Variants in GAS2 observed in about 807,000 individuals in gnomAD.
GAS2 encodes growth arrest specific 2.
Under a neutral mutation model 37.5 loss-of-function variants are expected in GAS2, and 20 were observed. The observed-to-expected ratio is 0.53, with a 90% confidence interval of 0.37 to 0.77. The LOEUF is 0.77. Ranked by LOEUF, GAS2 falls within the 30% of genes least tolerant of loss-of-function variation. The probability of loss-of-function intolerance (pLI) is 0.00; values close to 1 mark genes in which losing one functional copy is unlikely to be tolerated. For synonymous variants in GAS2, 144 were observed against 132.2 expected (o/e 1.09, Z -0.61); for missense variants, 336 against 373.4 (o/e 0.90, Z 0.82).
At chr11:22,745,918 C>A (rs546923921) in intron 5 of GAS2, among the ~76,000 whole-genome samples, 25 of 152,182 alleles carry the variant, frequency 1.6e-4, no homozygotes, top group African/African-American at 5.8e-4. Flanking sequence ...ACCTGTAATG[C>A]CAGCACTTTG....
intron 1 of GAS2, among the ~76,000 whole-genome samples, chr11:22,674,215 ATTT>A (rs10532254): frequency 3.6e-4 from 55 of 150,786 alleles, no homozygotes; most frequent in Middle Eastern, 3.4e-3. Context: ...CTATTTTTTT[ATTT>A]TTTTTTTTTA....
intron 5 of GAS2, among the ~76,000 whole-genome samples, chr11:22,739,377 A>G (rs1353064922): frequency 3.3e-5 from 5 of 152,012 alleles, no homozygotes; most frequent in South Asian, 2.1e-4. Context: ...GATCGAGACC[A>G]TCCTGACTAA....
chr11:22,676,147 G>T (rs1849417566), intron 2 of GAS2, among the ~76,000 whole-genome samples: 1 of 152,086 alleles, frequency 6.6e-6, no homozygotes, highest in Non-Finnish European at 1.5e-5. Context: ...TTCACCAACA[G>T]ATAGGTCAGA....
chr11:22,751,585 C>T (rs1853731745), intron 6 of GAS2, among the ~76,000 whole-genome samples: 1 of 151,952 alleles, frequency 6.6e-6, no homozygotes, highest in Non-Finnish European at 1.5e-5. Context: ...TCCATGTTGG[C>T]CACATGCTCT....
At chr11:22,686,691 G>A (rs1023735364) in intron 3 of GAS2, among the ~76,000 whole-genome samples, 60 of 151,356 alleles carry the variant, frequency 4.0e-4, no homozygotes, top group Non-Finnish European at 8.0e-4. Flanking sequence ...TAAAGGTTGC[G>A]GTGAGCAGAG....
intron 4 of GAS2, among the ~76,000 whole-genome samples, chr11:22,731,766 T>C (rs1852489523): frequency 6.6e-6 from 1 of 151,818 alleles, no homozygotes; most frequent in Non-Finnish European, 1.5e-5. Context: ...AGTATTTTTG[T>C]GGGAAAAAAG....
At chr11:22,720,510 A>C (rs946840484) in intron 3 of GAS2, among the ~76,000 whole-genome samples, 4 of 152,068 alleles carry the variant, frequency 2.6e-5, no homozygotes, top group Non-Finnish European at 4.4e-5. Context: ...ATGAATGTTC[A>C]AGGAAATAAT....
upstream of GAS2, among the ~76,000 whole-genome samples, chr11:22,665,270 G>T (rs941613543): frequency 6.6e-6 from 1 of 152,104 alleles, no homozygotes; most frequent in Admixed American, 6.5e-5. Flanking sequence ...TACATATTTG[G>T]ATAATTCTTA....
chr11:22,789,423 GAGATATATAT>G lies in GAS2; in HGVS notation c.724-22373_724-22364del, dbSNP rs1216658432. On this transcript the variant is annotated intron_variant, in intron 7 of 7. Transcript: ENST00000454584. The stretch of plus-strand genomic sequence containing the variant: ...GTGTGTATGTGTGTGTATCTCATAT[GAGATATATAT>G]ATATATATATATATATATATATTCT... 7.6e-3 allele frequency among the ~76,000 whole-genome samples: 538 copies of G among 71,152 alleles called. 35 individuals are homozygous for G. Among genetic ancestry groups the G allele is most frequent in the African/African-American group, 0.03 (514 of 17,318 alleles). 46.7% of individuals were successfully genotyped at this position (71,152 alleles called of 152,430 possible). A position where few individuals can be genotyped will look rare whatever the true frequency, so the allele number is the denominator to read the frequency against.
chr11:22,735,893 C>CT (rs1303077126), intron 4 of GAS2, among the ~76,000 whole-genome samples: 2 of 151,402 alleles, frequency 1.3e-5, no homozygotes, highest in African/African-American at 4.8e-5. Flanking sequence ...CTTCACACAG[C>CT]TTTTACTTAG....
At chr11:22,628,086 A>G (rs1393961681) in intron 1 of GAS2, among the ~76,000 whole-genome samples, 2 of 152,216 alleles carry the variant, frequency 1.3e-5, no homozygotes, top group East Asian at 1.9e-4. Context: ...ATAAACTCCT[A>G]CATATTTCAG....
chr11:22,664,007 G>A (rs1475064770), upstream of GAS2, among the ~76,000 whole-genome samples: 1 of 152,088 alleles, frequency 6.6e-6, no homozygotes, highest in East Asian at 1.9e-4. Context: ...ATGTCTTCAT[G>A]TATTTTTTAA....
chr11:22,634,778 T>C (rs1337819728), intron 1 of GAS2, among the ~76,000 whole-genome samples: 2 of 152,066 alleles, frequency 1.3e-5, no homozygotes, highest in Non-Finnish European at 2.9e-5. Context: ...GAAGTTCTGA[T>C]GGGGGTGGCA....
intron 7 of GAS2, among the ~76,000 whole-genome samples, chr11:22,776,435 A>G (rs1047931415): frequency 2.0e-5 from 3 of 152,212 alleles, no homozygotes; most frequent in South Asian, 4.1e-4. Context: ...AGTTCATCTT[A>G]TCTACTAATA....
intron 7 of GAS2, among the ~76,000 whole-genome samples, chr11:22,802,740 T>C (rs1450027828): frequency 6.6e-6 from 1 of 152,100 alleles, no homozygotes; most frequent in Non-Finnish European, 1.5e-5. Flanking sequence ...AACACCAACA[T>C]AGGACTAAAT....
intron 7 of GAS2, among the ~76,000 whole-genome samples, chr11:22,795,429 G>A (rs1236769785): frequency 6.6e-6 from 1 of 152,182 alleles, no homozygotes; most frequent in Admixed American, 6.5e-5. Flanking sequence ...AGGAGGGATA[G>A]CAATTTTTAC....
intron 2 of GAS2, among the ~76,000 whole-genome samples, chr11:22,676,193 A>G (rs1177886494): frequency 6.6e-6 from 1 of 152,126 alleles, no homozygotes; most frequent in African/African-American, 2.4e-5. Context: ...GACCCTTCAC[A>G]GTGCTATGGA....
chr11:22,780,988 C>T (rs892227899), intron 7 of GAS2, among the ~76,000 whole-genome samples: 22 of 152,232 alleles, frequency 1.4e-4, no homozygotes, highest in African/African-American at 5.3e-4. Context: ...TGACCATTTA[C>T]AAAGCAAAGC....
chr11:22,730,546 G>T (rs10833804), intron 4 of GAS2, among the ~76,000 whole-genome samples: 1 of 151,364 alleles, frequency 6.6e-6, no homozygotes, highest in South Asian at 2.1e-4. Context: ...CCATGTTGAC[G>T]TATAAGTGAC....
Sources: gnomAD v4.1 joint callset for allele counts (sites outside exome capture counted in the v4.1 genomes callset) on GRCh38, gnomAD v4.1.1 for gene constraint, MANE v1.5 for transcripts, NCBI Gene and HGNC (gene_info 2026-07-23, HGNC 2026-07-21) for gene names.